Variants in FOXN2 observed in about 807,000 individuals in gnomAD.
FOXN2 encodes forkhead box protein N2.
A neutral mutation model predicts 41.2 loss-of-function variants in FOXN2; 19 were observed. That is an observed-to-expected ratio of 0.46 (90% CI 0.32 to 0.68). The LOEUF is 0.68. Among genes scored for constraint, FOXN2 ranks in the 30% least tolerant of loss-of-function variants. FOXN2 has a pLI of 0.03. For synonymous variants in FOXN2, 195 were observed against 176.8 expected (o/e 1.10, Z -0.82); for missense variants, 587 against 509.4 (o/e 1.15, Z -1.47).
At chr2:48,350,694 C>T (rs1558628841) in intron 3 of FOXN2, among the ~76,000 whole-genome samples, 1 of 152,024 alleles carries the variant, frequency 6.6e-6, no homozygotes, top group African/African-American at 2.4e-5. Context: ...GTTTCTCTCT[C>T]AGGCTTCCTG....
chr2:48,372,824 G>A (rs1672996872), intron 5 of FOXN2, among the ~76,000 whole-genome samples: 2 of 150,372 alleles, frequency 1.3e-5, no homozygotes, highest in Non-Finnish European at 1.5e-5. Context: ...CTAGACTGAC[G>A]AATTACATAT....
intron 4 of FOXN2, among the ~76,000 whole-genome samples, chr2:48,362,227 G>C (rs1176058866): frequency 6.6e-6 from 1 of 152,168 alleles, no homozygotes; most frequent in South Asian, 2.1e-4. Flanking sequence ...AAAATAGTTT[G>C]TTTTTGGTGG....
chr2:48,367,178 C>G (rs957162330), intron 5 of FOXN2, among the ~76,000 whole-genome samples: 1 of 152,124 alleles, frequency 6.6e-6, no homozygotes, highest in African/African-American at 2.4e-5. Flanking sequence ...ACACAGGATT[C>G]TTACACTGAG....
At chr2:48,372,776 G>A (rs1278073281) in intron 5 of FOXN2, among the ~76,000 whole-genome samples, 1 of 151,904 alleles carries the variant, frequency 6.6e-6, no homozygotes, top group Admixed American at 6.6e-5. Context: ...TTTTGTTTCT[G>A]CATAATTATT....
chr2:48,354,999 G>A (rs541906929), intron 3 of FOXN2, among the ~76,000 whole-genome samples: 86 of 152,222 alleles, frequency 5.6e-4, no homozygotes, highest in African/African-American at 1.9e-3. Context: ...ATTCTTGAGG[G>A]CAGTAGTTAC....
Position 48,346,419 on chromosome 2 carries a change from C to G in FOXN2, c.205C>G (p.Leu69Val). The change falls in exon 3 of 7, where the codon CTA (leucine) becomes GTA (valine). Residue 69 changes from leucine to valine, a missense_variant. Leu to Val is a conservative substitution (Grantham distance 32, BLOSUM62 1). Coordinates refer to ENST00000340553, the MANE Select transcript of FOXN2 (RefSeq NM_002158.4). ...LNWLHESTNL[L>V]TNFSLGSEGL... ...CTGGCTTCATGAAAGCACTAATCTT[C>G]TAACAAACTTCAGCCTCGGAAGTGA... is the stretch of plus-strand genomic sequence containing the variant. The G allele has an allele frequency of 6.2e-7, 1 of 1,614,198 alleles. No homozygotes were observed. Among genetic ancestry groups the G allele is most frequent in the Non-Finnish European group, 8.5e-7 (1 of 1,180,030 alleles).
intron 1 of FOXN2, among the ~76,000 whole-genome samples, chr2:48,322,652 C>T (rs1040524160): frequency 6.0e-5 from 9 of 150,808 alleles, no homozygotes; most frequent in Non-Finnish European, 1.2e-4. Context: ...TGATTTTTTC[C>T]CTTTTATTTT....
intron 1 of FOXN2, among the ~76,000 whole-genome samples, chr2:48,326,330 T>C (rs1375253449): frequency 6.7e-6 from 1 of 149,496 alleles, no homozygotes; most frequent in African/African-American, 2.5e-5. Context: ...TGGCAAAAAA[T>C]GTGACCTGAA....
At chr2:48,365,380 A>G (rs944616711) in intron 5 of FOXN2, among the ~76,000 whole-genome samples, 1 of 152,234 alleles carries the variant, frequency 6.6e-6, no homozygotes, top group Non-Finnish European at 1.5e-5. Flanking sequence ...AGGTATTGCC[A>G]AAATGCCTTT....
intron 3 of FOXN2, among the ~76,000 whole-genome samples, chr2:48,352,802 CA>C (rs886088701): frequency 1.3e-5 from 2 of 151,842 alleles, no homozygotes; most frequent in Non-Finnish European, 2.9e-5. Flanking sequence ...ATTTTATAAC[CA>C]AAAAAGTGAG....
chr2:48,340,154 G>A (rs1203278446), intron 2 of FOXN2, among the ~76,000 whole-genome samples: 2 of 152,150 alleles, frequency 1.3e-5, no homozygotes, highest in East Asian at 3.8e-4. Flanking sequence ...TCAAAATTCT[G>A]ATTGGTTAAA....
intron 1 of FOXN2, among the ~76,000 whole-genome samples, chr2:48,321,120 G>C (rs990921498): frequency 6.6e-6 from 1 of 151,982 alleles, no homozygotes; most frequent in Non-Finnish European, 1.5e-5. Context: ...TACATGTTAT[G>C]GTCTGTAGTA....
chr2:48,317,111 G>A (rs888955132), intron 1 of FOXN2, among the ~76,000 whole-genome samples: 3 of 152,120 alleles, frequency 2.0e-5, no homozygotes, highest in Non-Finnish European at 4.4e-5. Context: ...AGGCTCTCCT[G>A]AGATCAGGAG....
At chr2:48,339,640 A>G (rs1422659321) in intron 2 of FOXN2, among the ~76,000 whole-genome samples, 2 of 152,188 alleles carry the variant, frequency 1.3e-5, no homozygotes, top group East Asian at 3.9e-4. Context: ...CAAGTACATG[A>G]AGCATTTGGT....
chr2:48,335,760 G>A (rs889246956), intron 2 of FOXN2, among the ~76,000 whole-genome samples: 3 of 152,200 alleles, frequency 2.0e-5, no homozygotes, highest in African/African-American at 7.2e-5. Flanking sequence ...GGGCACGGTG[G>A]CTCACGCCTG....
chr2:48,368,481 A>G (rs1029279007), intron 5 of FOXN2, among the ~76,000 whole-genome samples: 6 of 152,058 alleles, frequency 3.9e-5, no homozygotes, highest in Admixed American at 1.3e-4. Flanking sequence ...CCTGGGCAAC[A>G]TGGTGAAACC....
chr2:48,323,882 T>C (rs1669497856), intron 1 of FOXN2, among the ~76,000 whole-genome samples: 1 of 152,152 alleles, frequency 6.6e-6, no homozygotes, highest in African/African-American at 2.4e-5. Context: ...TTAAGTCTTT[T>C]CTGTAGCTAA....
intron 2 of FOXN2, among the ~76,000 whole-genome samples, chr2:48,337,429 G>C (rs1670439870): frequency 1.3e-5 from 2 of 151,706 alleles, no homozygotes; most frequent in South Asian, 2.1e-4. Context: ...TCCCAAAGTA[G>C]CTGGGACCAC....
intron 1 of FOXN2, among the ~76,000 whole-genome samples, chr2:48,317,316 G>A (rs977118340): frequency 5.3e-5 from 8 of 151,880 alleles, no homozygotes; most frequent in African/African-American, 1.9e-4. Context: ...GGGCCTCGTG[G>A]GGCATGCCTG....
Sources: gnomAD v4.1 joint callset for allele counts (sites outside exome capture counted in the v4.1 genomes callset) on GRCh38, gnomAD v4.1.1 for gene constraint, MANE v1.5 for transcripts, NCBI Gene and HGNC (gene_info 2026-07-23, HGNC 2026-07-21) for gene names.